The following SPIRE1 variants were observed in gnomAD, a reference collection of about 807,000 sequenced individuals.
SPIRE1 encodes the protein spire type actin nucleation factor 1.
A neutral mutation model predicts 94.1 loss-of-function variants in SPIRE1; 40 were observed. That is an observed-to-expected ratio of 0.43 (90% CI 0.33 to 0.55). The LOEUF (loss-of-function observed/expected upper bound fraction) is 0.55, where lower values mean the gene tolerates loss of function less well. Ranked by LOEUF, SPIRE1 falls within the 20% of genes least tolerant of loss-of-function variation. The pLI, the probability that SPIRE1 is intolerant of heterozygous loss-of-function variation, is 0.06. For synonymous variants in SPIRE1, 376 were observed against 371.7 expected, an observed-to-expected ratio of 1.01 and a Z score of -0.13; for missense variants, 838 against 975.2, an observed-to-expected ratio of 0.86 and a Z score of 1.87.
At chr18:12,621,863 A>C (rs1238949262) in intron 2 of SPIRE1, among the ~76,000 whole-genome samples, 1 of 152,218 alleles carries the variant, frequency 6.6e-6, no homozygotes, top group Non-Finnish European at 1.5e-5. Context: ...TTATTTTTAA[A>C]AAAATTAGAA....
chr18:12,573,642 T>A (rs1364496180), intron 2 of SPIRE1, among the ~76,000 whole-genome samples: 1 of 152,194 alleles, frequency 6.6e-6, no homozygotes, highest in South Asian at 2.1e-4. Flanking sequence ...GCTATCTATA[T>A]AACAGTAATG....
chr18:12,476,943 G>A (rs1175063995), intron 10 of SPIRE1, among the ~76,000 whole-genome samples: 1 of 152,108 alleles, frequency 6.6e-6, no homozygotes, highest in Non-Finnish European at 1.5e-5. Context: ...AAAGTCAGAG[G>A]TAGCTGGAAT....
chr18:12,649,691 T>C lies in SPIRE1; in HGVS notation c.337+7839A>G, dbSNP rs559859519. Among the ~76,000 whole-genome samples the C allele has an allele frequency of 8.5e-5, 13 of 152,288 alleles. No homozygotes were observed. The South Asian group carries it at 1.5e-3, about 17-fold the overall frequency. On this transcript the variant is annotated intron_variant, in intron 1 of 16. Coordinates refer to ENST00000409402, the MANE Select transcript of SPIRE1 (RefSeq NM_001128626.2). ...TCTCTTATCAACATATAGTCCTTGG[T>C]AGCTCAATGATTTTTTTCTTCTAAA...
In SPIRE1 at chr18:12,452,508, C is replaced by A; in HGVS notation, c.1852G>T (p.Val618Leu). 6.2e-7 allele frequency: 1 copy of A among 1,613,842 alleles called. No individual in the cohort carries two copies. The highest frequency in any genetic ancestry group is 8.5e-7 in the Non-Finnish European group (1 of 1,180,044). ...SYTCQFCKRP[V>L]CSQCCKKMRL... Reference sequence around the variant, plus strand: ...ACCTTTTTGCAACACTGTGAGCACACCGGCCTGTAAACAAAATCATAAATG... The same window carrying A: ...ACCTTTTTGCAACACTGTGAGCACAACGGCCTGTAAACAAAATCATAAATG... The change falls in exon 15 of 17, where the codon GTG (valine) becomes TTG (leucine). Residue 618 changes from valine to leucine, a missense_variant. Around this residue, in one of 2 missense-constraint regions of SPIRE1, gnomAD observed 645 missense variants for 804.7 expected, o/e 0.80. Transcript: ENST00000409402.
At chr18:12,614,179 T>G (rs1567967828) in intron 2 of SPIRE1, among the ~76,000 whole-genome samples, 1 of 152,150 alleles carries the variant, frequency 6.6e-6, no homozygotes. Flanking sequence ...GAGGACTGCT[T>G]GAGCCCAGAA....
chr18:12,580,874 T>C (rs2036240020), intron 2 of SPIRE1, among the ~76,000 whole-genome samples: 1 of 152,152 alleles, frequency 6.6e-6, no homozygotes, highest in African/African-American at 2.4e-5. Context: ...GAGAAAGCAG[T>C]AGAGCTAGTT....
chr18:12,538,519 A>G (rs1369115410), intron 3 of SPIRE1, among the ~76,000 whole-genome samples: 4 of 152,158 alleles, frequency 2.6e-5, no homozygotes, highest in Non-Finnish European at 5.9e-5. Context: ...TGCTTACTGT[A>G]GCTGCCCTTG....
chr18:12,634,268 A>T (rs76987292), intron 2 of SPIRE1, among the ~76,000 whole-genome samples: 90,286 of 144,428 alleles, frequency 0.63, 27,684 homozygotes, highest in East Asian at 0.83. Context: ...TAAAAAAAAA[A>T]AAAAATAATA....
At chr18:12,535,987 A>C (rs924219420) in intron 3 of SPIRE1, among the ~76,000 whole-genome samples, 2 of 151,516 alleles carry the variant, frequency 1.3e-5, no homozygotes, top group African/African-American at 4.9e-5. Flanking sequence ...AAACAGACAC[A>C]CCCCCATATC....
intron 1 of SPIRE1, among the ~76,000 whole-genome samples, chr18:12,635,758 C>CA (rs2037906180): frequency 6.6e-6 from 1 of 152,090 alleles, no homozygotes; most frequent in South Asian, 2.1e-4. Context: ...ATGTCGCTGA[C>CA]AAAAACATAC....
At chr18:12,507,294 G>A (rs1228081153) in intron 5 of SPIRE1, among the ~76,000 whole-genome samples, 1 of 152,172 alleles carries the variant, frequency 6.6e-6, no homozygotes, top group Non-Finnish European at 1.5e-5. Flanking sequence ...ATTTGACACG[G>A]AGCAAGTTGC....
chr18:12,552,444 A>G (rs1291645642), intron 2 of SPIRE1, among the ~76,000 whole-genome samples: 1 of 152,178 alleles, frequency 6.6e-6, no homozygotes, highest in African/African-American at 2.4e-5. Flanking sequence ...ATTGGATACC[A>G]GCTTCAGCCA....
intron 3 of SPIRE1, among the ~76,000 whole-genome samples, chr18:12,542,679 T>A (rs2035044921): frequency 6.6e-6 from 1 of 152,198 alleles, no homozygotes; most frequent in African/African-American, 2.4e-5. Context: ...TTAGCACTAA[T>A]AAATTAGTGC....
intron 2 of SPIRE1, among the ~76,000 whole-genome samples, chr18:12,606,533 AT>A (rs11461946): frequency 0.13 from 18,289 of 145,472 alleles, 1,365 homozygotes; most frequent in South Asian, 0.33. Context: ...TAATTATCTG[AT>A]TTTTTTTTTT....
At chr18:12,539,193 T>C (rs549603747) in intron 3 of SPIRE1, among the ~76,000 whole-genome samples, 2 of 152,282 alleles carry the variant, frequency 1.3e-5, no homozygotes, top group South Asian at 4.1e-4. Flanking sequence ...CCAAATCTCA[T>C]CTTGAATTCC....
At chr18:12,471,384 CTTTTTTTT>C (rs975751031) in intron 10 of SPIRE1, among the ~76,000 whole-genome samples, 1 of 137,666 alleles carries the variant, frequency 7.3e-6, no homozygotes, top group East Asian at 2.1e-4. Flanking sequence ...TGGTTTCTTT[CTTTTTTTT>C]TTTTTTTTGG....
chr18:12,500,407 G>A (rs761952184), intron 6 of SPIRE1, among the ~76,000 whole-genome samples: 14 of 152,160 alleles, frequency 9.2e-5, no homozygotes, highest in East Asian at 5.8e-4. Context: ...AAACCACAAT[G>A]AGACATCATA....
intron 2 of SPIRE1, among the ~76,000 whole-genome samples, chr18:12,579,200 T>TACACACAC (rs60826359): frequency 1.0e-4 from 12 of 119,108 alleles, no homozygotes; most frequent in African/African-American, 3.5e-4. Context: ...CACACACACA[T>TACACACAC]ACACACACAC....
At chr18:12,608,373 A>G (rs1440028730) in intron 2 of SPIRE1, among the ~76,000 whole-genome samples, 4 of 152,234 alleles carry the variant, frequency 2.6e-5, no homozygotes, top group African/African-American at 9.6e-5. Flanking sequence ...ATGAACCATT[A>G]TTCCACATAA....
Sources: gnomAD v4.1 joint callset for allele counts (sites outside exome capture counted in the v4.1 genomes callset) on GRCh38, gnomAD v4.1.1 for gene constraint, gnomAD v4.1.1 regional missense constraint, MANE v1.5 for transcripts, NCBI Gene and HGNC (gene_info 2026-07-23, HGNC 2026-07-21) for gene names.